CPA6: variants seen among roughly 807,000 people sequenced by gnomAD.
CPA6 encodes the protein carboxypeptidase B.
A neutral mutation model predicts 63.3 loss-of-function variants in CPA6; 58 were observed. The ratio of observed to expected loss-of-function variants is 0.92; its 90% CI spans 0.74 to 1.14. The LOEUF (loss-of-function observed/expected upper bound fraction) is 1.14, where lower values mean the gene tolerates loss of function less well. Ranked by LOEUF, CPA6 falls within the 50% of genes most tolerant of loss-of-function variation. The pLI is 0.00. For missense variants in CPA6, 565 were observed against 526.6 expected, an observed-to-expected ratio of 1.07 and a Z score of -0.71; for synonymous variants, 185 against 179.0, an observed-to-expected ratio of 1.03 and a Z score of -0.27.
At position 67,447,177 on chromosome 8, in the gene CPA6, C is replaced by T. The variant is rs1291200601; in HGVS notation, c.839-12937G>A. On this transcript the variant is annotated intron_variant, in intron 8 of 10. Transcript: ENST00000297770. ...TTTACTCACAAAACAAGATCATAAT[C>T]GTACAATTTTTTTTGCCTCTTGCTT... 4.6e-5 allele frequency among the ~76,000 whole-genome samples: 7 copies of T among 151,458 alleles called. No homozygotes were observed. In the East Asian group the frequency reaches 1.2e-3, roughly 25 times the overall value.
chr8:67,471,464 A>G (rs183452807), intron 8 of CPA6, among the ~76,000 whole-genome samples: 2 of 152,330 alleles, frequency 1.3e-5, no homozygotes, highest in Admixed American at 1.3e-4. Context: ...ATTGTAAAAA[A>G]AAAATCCCTT....
At chr8:67,619,284 C>A (rs1815026062) in intron 2 of CPA6, among the ~76,000 whole-genome samples, 1 of 152,168 alleles carries the variant, frequency 6.6e-6, no homozygotes, top group Non-Finnish European at 1.5e-5. Context: ...TGTTAGTTCA[C>A]TGTGTGTGTG....
At chr8:67,637,980 T>TG (rs879904902) in intron 1 of CPA6, among the ~76,000 whole-genome samples, 8,952 of 139,688 alleles carry the variant, frequency 0.064, 575 homozygotes, top group African/African-American at 0.13. Context: ...TGCTAGAAAT[T>TG]TTGTGTGTGT....
chr8:67,548,254 C>CTTT (rs781241041), intron 2 of CPA6, among the ~76,000 whole-genome samples: 1 of 109,794 alleles, frequency 9.1e-6, no homozygotes, highest in Non-Finnish European at 1.9e-5. Flanking sequence ...CTTTTCTTTT[C>CTTT]TTTTTTTTTT....
At chr8:67,719,744 G>A (rs898830905) in intron 1 of CPA6, among the ~76,000 whole-genome samples, 3 of 152,076 alleles carry the variant, frequency 2.0e-5, no homozygotes, top group African/African-American at 7.2e-5. Flanking sequence ...TGACAGGAGC[G>A]ACAAGACTTA....
chr8:67,657,269 C>T (rs924322242), intron 1 of CPA6, among the ~76,000 whole-genome samples: 2 of 152,136 alleles, frequency 1.3e-5, no homozygotes, highest in Admixed American at 6.5e-5. Context: ...GGAAGTCCTT[C>T]GTGATTACAG....
chr8:67,436,627 G>C (rs1810162414), intron 8 of CPA6, among the ~76,000 whole-genome samples: 1 of 152,034 alleles, frequency 6.6e-6, no homozygotes, highest in African/African-American at 2.4e-5. Context: ...GGATTGGTTA[G>C]AGTTTAGTTA....
chr8:67,675,832 G>A (rs1012884159), intron 1 of CPA6, among the ~76,000 whole-genome samples: 2 of 152,172 alleles, frequency 1.3e-5, no homozygotes, highest in Non-Finnish European at 2.9e-5. Flanking sequence ...AGGAGCTCAT[G>A]GTCTTTCTGC....
chr8:67,482,635 T>G (rs115250694), intron 8 of CPA6, among the ~76,000 whole-genome samples: 1 of 152,108 alleles, frequency 6.6e-6, no homozygotes, highest in African/African-American at 2.4e-5. Context: ...GAACAAGGGA[T>G]AGGTTACTGA....
chr8:67,561,099 C>A (rs146813566), intron 2 of CPA6, among the ~76,000 whole-genome samples: 1 of 152,078 alleles, frequency 6.6e-6, no homozygotes, highest in African/African-American at 2.4e-5. Flanking sequence ...CTGTTACAAC[C>A]GCTGTCAGTG....
intron 1 of CPA6, among the ~76,000 whole-genome samples, chr8:67,667,729 A>G (rs1816261536): frequency 6.6e-6 from 1 of 152,172 alleles, no homozygotes; most frequent in Non-Finnish European, 1.5e-5. Context: ...GTTTAATCTC[A>G]ACTGAATACA....
intron 2 of CPA6, among the ~76,000 whole-genome samples, chr8:67,615,792 A>G (rs1814929744): frequency 6.6e-6 from 1 of 152,238 alleles, no homozygotes; most frequent in Non-Finnish European, 1.5e-5. Flanking sequence ...CTAACAGTCT[A>G]TAGAATTCAG....
intron 1 of CPA6, among the ~76,000 whole-genome samples, chr8:67,707,610 T>TA (rs987154864): frequency 2.6e-5 from 4 of 152,142 alleles, no homozygotes; most frequent in African/African-American, 7.2e-5. Context: ...TGCTTTCCTT[T>TA]AAAAAATCAA....
intron 1 of CPA6, among the ~76,000 whole-genome samples, chr8:67,680,274 C>T (rs1172767821): frequency 1.3e-5 from 2 of 151,932 alleles, no homozygotes; most frequent in Non-Finnish European, 2.9e-5. Flanking sequence ...GGCTGAAGTG[C>T]GTGGATTGCT....
Position 67,731,353 on chromosome 8 carries a change from C to G in CPA6, c.116+14661G>C, listed in dbSNP as rs1270787060. ...CAGTGTGGTTTCACCCTTGGAGAGT[C>G]CCTTACTTTTTGCTATTTCTCAGCT... On this transcript the variant is annotated intron_variant, in intron 1 of 10. Coordinates refer to ENST00000297770, the MANE Select transcript of CPA6 (RefSeq NM_020361.5). Among the ~76,000 whole-genome samples the G allele has an allele frequency of 2.0e-5, 3 of 152,340 alleles. 1 individual carries two copies. The highest frequency in any genetic ancestry group is 2.0e-4 in the Admixed American group (3 of 15,298).
chr8:67,545,565 T>TA (rs1812797232), intron 2 of CPA6, among the ~76,000 whole-genome samples: 2 of 26,858 alleles, frequency 7.4e-5, no homozygotes, highest in Non-Finnish European at 2.0e-4. Flanking sequence ...TACTGTTACT[T>TA]TTTTTTTTTT....
intron 9 of CPA6, among the ~76,000 whole-genome samples, chr8:67,432,384 G>A (rs1448372140): frequency 1.3e-5 from 2 of 152,126 alleles, no homozygotes; most frequent in Non-Finnish European, 2.9e-5. Context: ...CCCAGAGAAC[G>A]CACGGAAGCC....
chr8:67,448,558 G>GAA, intron 8 of CPA6, among the ~76,000 whole-genome samples: 1 of 143,776 alleles, frequency 7.0e-6, no homozygotes, highest in Non-Finnish European at 1.5e-5. Context: ...CCTCACCCCA[G>GAA]AAAGTCGAGG....
intron 1 of CPA6, among the ~76,000 whole-genome samples, chr8:67,630,713 G>A (rs1016981358): frequency 2.6e-5 from 4 of 152,224 alleles, no homozygotes; most frequent in Admixed American, 2.6e-4. Context: ...CTGCTTGAGG[G>A]GATGTGTGGA....
Sources: gnomAD v4.1 joint callset for allele counts (sites outside exome capture counted in the v4.1 genomes callset) on GRCh38, gnomAD v4.1.1 for gene constraint, MANE v1.5 for transcripts, NCBI Gene and HGNC (gene_info 2026-07-23, HGNC 2026-07-21) for gene names.